STPG2: variants seen among roughly 807,000 people sequenced by gnomAD.
STPG2 encodes sperm tail PG-rich repeat containing 2, also known as sperm-tail PG-rich repeat-containing protein 2.
In STPG2, 56 loss-of-function variants were observed where a neutral mutation model predicts 54.2. The ratio of observed to expected loss-of-function variants is 1.03; its 90% confidence interval spans 0.83 to 1.29. STPG2 has a LOEUF of 1.29. Among genes scored for constraint, STPG2 ranks in the 50% most tolerant of loss-of-function variants. The pLI is 0.00. For synonymous variants in STPG2, 200 were observed against 181.8 expected (o/e 1.10, Z -0.81); for missense variants, 596 against 544.9 (o/e 1.09, Z -0.93).
At chr4:97,975,722 T>C (rs1734477511) in intron 6 of STPG2, among the ~76,000 whole-genome samples, 2 of 152,198 alleles carry the variant, frequency 1.3e-5, no homozygotes, top group African/African-American at 4.8e-5. Flanking sequence ...ACTAAATAGA[T>C]ATGAAACTTC....
intron 6 of STPG2, among the ~76,000 whole-genome samples, chr4:97,976,129 G>T (rs1734490339): frequency 1.3e-5 from 2 of 152,058 alleles, no homozygotes; most frequent in South Asian, 4.1e-4. Flanking sequence ...AAATATTCCA[G>T]TTCTAGTCTA....
intron 9 of STPG2, among the ~76,000 whole-genome samples, chr4:97,731,310 T>C (rs1222660474): frequency 1.3e-5 from 2 of 152,184 alleles, no homozygotes; most frequent in African/African-American, 2.4e-5. Flanking sequence ...GATTCCTGCA[T>C]TGGGTTTCAC....
intron 5 of STPG2, among the ~76,000 whole-genome samples, chr4:98,038,387 T>C (rs1234107470): frequency 3.3e-5 from 5 of 152,062 alleles, no homozygotes; most frequent in Admixed American, 2.0e-4. Flanking sequence ...TAGAACCAAA[T>C]AGAAATCTCA....
chr4:98,100,719 AG>A (rs1739006037), intron 5 of STPG2, among the ~76,000 whole-genome samples: 1 of 129,152 alleles, frequency 7.7e-6, no homozygotes, highest in Non-Finnish European at 1.5e-5. Context: ...TCTGTCGCCC[AG>A]GCTGGAGTGC....
At chr4:97,600,891 C>A (rs963480941) in intron 10 of STPG2, among the ~76,000 whole-genome samples, 1 of 152,002 alleles carries the variant, frequency 6.6e-6, no homozygotes, top group Non-Finnish European at 1.5e-5. Context: ...TTTGTCTACA[C>A]ATAGGATTCA....
chr4:97,498,996 G>C (rs1179757101), intron 4 of STPG2, among the ~76,000 whole-genome samples: 1 of 151,864 alleles, frequency 6.6e-6, no homozygotes, highest in African/African-American at 2.4e-5. Flanking sequence ...AAGGAATGAT[G>C]AGTCACAAAA....
At chr4:97,824,649 T>C (rs1260770822) in intron 9 of STPG2, among the ~76,000 whole-genome samples, 2 of 152,152 alleles carry the variant, frequency 1.3e-5, no homozygotes, top group African/African-American at 4.8e-5. Context: ...TCTTGGTCTC[T>C]GCCATCTGGA....
chr4:97,808,704 A>T (rs1727647200), intron 9 of STPG2, among the ~76,000 whole-genome samples: 1 of 150,422 alleles, frequency 6.6e-6, no homozygotes, highest in South Asian at 2.1e-4. Flanking sequence ...AACCAAAAAA[A>T]AAACCCACAG....
intron 2 of STPG2, among the ~76,000 whole-genome samples, chr4:98,133,274 T>C (rs1740048937): frequency 6.6e-6 from 1 of 152,158 alleles, no homozygotes; most frequent in Admixed American, 6.5e-5. Flanking sequence ...ACAATTACAG[T>C]GCAATCATTT....
At chr4:97,718,113 TC>T (rs1188646915) in intron 9 of STPG2, among the ~76,000 whole-genome samples, 3 of 152,038 alleles carry the variant, frequency 2.0e-5, no homozygotes, top group African/African-American at 7.2e-5. Flanking sequence ...AGCAAGGCAT[TC>T]CCTCTGTCAA....
chr4:97,796,332 A>G (rs189885342), intron 9 of STPG2, among the ~76,000 whole-genome samples: 152 of 152,278 alleles, frequency 1.0e-3, no homozygotes, highest in Middle Eastern at 3.4e-3. Flanking sequence ...TTATGGTTTT[A>G]GGTCTAACAT....
chr4:98,094,723 C>A (rs1005443610), intron 5 of STPG2, among the ~76,000 whole-genome samples: 22 of 152,140 alleles, frequency 1.4e-4, no homozygotes, highest in African/African-American at 5.1e-4. Context: ...CACCTCAAAC[C>A]CCCATGGATC....
intron 4 of STPG2, among the ~76,000 whole-genome samples, chr4:97,444,953 C>A (rs539123878): frequency 6.6e-6 from 1 of 152,108 alleles, no homozygotes; most frequent in Non-Finnish European, 1.5e-5. Context: ...AAGAGAATGG[C>A]GTGAACCCAG....
intron 4 of STPG2, among the ~76,000 whole-genome samples, chr4:97,500,594 A>T (rs1730703274): frequency 6.6e-6 from 1 of 152,098 alleles, no homozygotes. Flanking sequence ...TTACAGCTTT[A>T]ATAAGTTAAG....
chr4:97,856,217 G>A (rs941483700), intron 8 of STPG2, among the ~76,000 whole-genome samples: 1 of 152,256 alleles, frequency 6.6e-6, no homozygotes, highest in Non-Finnish European at 1.5e-5. Flanking sequence ...GTCAATGGTG[G>A]TTTAATGGAA....
At chr4:97,524,935 T>C (rs559973090) in intron 4 of STPG2, among the ~76,000 whole-genome samples, 14 of 151,974 alleles carry the variant, frequency 9.2e-5, no homozygotes, top group Non-Finnish European at 1.8e-4. Flanking sequence ...TTTTAAAGTA[T>C]AAAATTGTTT....
intron 5 of STPG2, among the ~76,000 whole-genome samples, chr4:98,081,164 C>A (rs138995354): frequency 6.6e-6 from 1 of 152,134 alleles, no homozygotes; most frequent in East Asian, 1.9e-4. Flanking sequence ...TGGAGGCTAA[C>A]CAAGGGTGTT....
intron 9 of STPG2, among the ~76,000 whole-genome samples, chr4:97,837,200 T>C (rs1728660017): frequency 6.6e-6 from 1 of 151,692 alleles, no homozygotes; most frequent in Non-Finnish European, 1.5e-5. Context: ...GATGTTTAAG[T>C]TTTGGTATCA....
intron 8 of STPG2, among the ~76,000 whole-genome samples, chr4:97,938,106 G>T (rs1025467460): frequency 6.6e-6 from 1 of 152,146 alleles, no homozygotes; most frequent in African/African-American, 2.4e-5. Context: ...GTTCCTGCAG[G>T]GAGGCCTCAC....
Sources: gnomAD v4.1 joint callset for allele counts (sites outside exome capture counted in the v4.1 genomes callset) on GRCh38, gnomAD v4.1.1 for gene constraint, MANE v1.5 for transcripts, NCBI Gene and HGNC (gene_info 2026-07-23, HGNC 2026-07-21) for gene names.